KCNMA1: variants seen among roughly 807,000 people sequenced by gnomAD.
KCNMA1 encodes the protein potassium calcium-activated channel subfamily M alpha 1, also known as Calcium-activated potassium channel subunit alpha-1.
In KCNMA1, 29 loss-of-function variants were observed where a neutral mutation model predicts 140.0. The observed-to-expected ratio is 0.21, with a 90% CI of 0.15 to 0.28. The LOEUF (loss-of-function observed/expected upper bound fraction) is 0.28. Among genes scored for constraint, KCNMA1 ranks in the 10% least tolerant of loss-of-function variants. The pLI is 1.00. For missense variants in KCNMA1, 880 were observed against 1,602.2 expected, an observed-to-expected ratio of 0.55 and a Z score of 7.70; for synonymous variants, 612 against 611.9, an observed-to-expected ratio of 1.00 and a Z score of 0.00.
chr10:76,904,679 C>G (rs2047064032), intron 25 of KCNMA1: 3 of 152,138 alleles, frequency 2.0e-5, no homozygotes, highest in Non-Finnish European at 4.4e-5. Context: ...GGTGGCTCCT[C>G]ACTGCTCCTT....
At chr10:77,508,581 C>CTTTTTTTTTTTTTTTTTTTTCT (rs761735012) in intron 1 of KCNMA1, among the ~76,000 whole-genome samples, 1 of 99,874 alleles carries the variant, frequency 1.0e-5, no homozygotes, top group African/African-American at 4.3e-5. Flanking sequence ...TTTTTCTTTT[C>CTTTTTTTTTTTTTTTTTTTTCT]TTTTTTTTTT....
chr10:77,137,036 G>C (rs1017154592), intron 5 of KCNMA1, among the ~76,000 whole-genome samples: 2 of 152,148 alleles, frequency 1.3e-5, no homozygotes, highest in Admixed American at 1.3e-4. Flanking sequence ...GCAATGACCA[G>C]ACAGATTAAG....
chr10:77,460,964 G>T (rs2097855588), intron 1 of KCNMA1, among the ~76,000 whole-genome samples: 1 of 152,106 alleles, frequency 6.6e-6, no homozygotes, highest in Admixed American at 6.6e-5. Flanking sequence ...AAATTAGCTG[G>T]GCGTGGTGGC....
chr10:77,383,498 C>T (rs2095498391), intron 2 of KCNMA1, among the ~76,000 whole-genome samples: 1 of 151,330 alleles, frequency 6.6e-6, no homozygotes. Flanking sequence ...AAGTATACAG[C>T]TCAGTGGTAT....
intron 1 of KCNMA1, among the ~76,000 whole-genome samples, chr10:77,485,817 A>G (rs1218428141): frequency 6.6e-6 from 1 of 152,168 alleles, no homozygotes; most frequent in Non-Finnish European, 1.5e-5. Context: ...GTGTCCCCCA[A>G]GGACCAATGT....
chr10:77,094,551 T>C (rs894620241), intron 9 of KCNMA1, among the ~76,000 whole-genome samples: 3 of 152,190 alleles, frequency 2.0e-5, no homozygotes, highest in African/African-American at 7.2e-5. Flanking sequence ...GGATAGGCAG[T>C]ATCATGATAG....
At chr10:77,111,225 C>T (rs1032853146) in intron 7 of KCNMA1, among the ~76,000 whole-genome samples, 13 of 152,164 alleles carry the variant, frequency 8.5e-5, no homozygotes, top group East Asian at 3.9e-4. Flanking sequence ...GAGGGAGCTG[C>T]GGGCCCAATT....
intron 1 of KCNMA1, among the ~76,000 whole-genome samples, chr10:77,547,043 T>A (rs1479484336): frequency 6.6e-6 from 1 of 152,086 alleles, no homozygotes; most frequent in East Asian, 1.9e-4. Flanking sequence ...AATGTTTCCC[T>A]AAAGAGAGCC....
At chr10:77,044,331 T>C (rs149213861) in intron 14 of KCNMA1, among the ~76,000 whole-genome samples, 23 of 152,124 alleles carry the variant, frequency 1.5e-4, no homozygotes, top group Non-Finnish European at 2.9e-4. Flanking sequence ...TCTCATACAA[T>C]GCATTCTTAG....
At chr10:77,057,777 A>T (rs2095594460) in intron 14 of KCNMA1, among the ~76,000 whole-genome samples, 1 of 151,870 alleles carries the variant, frequency 6.6e-6, no homozygotes, top group Non-Finnish European at 1.5e-5. Flanking sequence ...ACCAAAAAAA[A>T]TTCTGAAAAT....
At chr10:77,570,830 C>A (rs1401404733) in intron 1 of KCNMA1, among the ~76,000 whole-genome samples, 1 of 151,738 alleles carries the variant, frequency 6.6e-6, no homozygotes, top group Non-Finnish European at 1.5e-5. Context: ...ACTCTGGAAG[C>A]TGAGGCAGGA....
intron 1 of KCNMA1, among the ~76,000 whole-genome samples, chr10:77,548,952 A>G (rs2062073173): frequency 6.6e-6 from 1 of 152,220 alleles, no homozygotes; most frequent in African/African-American, 2.4e-5. Flanking sequence ...AGGGATGCAT[A>G]GATGAATACT....
At chr10:77,540,524 G>A (rs2059933169) in intron 1 of KCNMA1, among the ~76,000 whole-genome samples, 2 of 152,152 alleles carry the variant, frequency 1.3e-5, no homozygotes, top group African/African-American at 2.4e-5. Context: ...GGGTAAAAAT[G>A]GTAATATTAA....
chr10:77,610,477 C>T (rs912391563), intron 1 of KCNMA1, among the ~76,000 whole-genome samples: 7 of 152,064 alleles, frequency 4.6e-5, no homozygotes, highest in African/African-American at 1.7e-4. Context: ...GGTGGAGGCT[C>T]TCTCTCTCTC....
intron 2 of KCNMA1, among the ~76,000 whole-genome samples, chr10:77,332,410 C>T (rs967095239): frequency 2.0e-5 from 3 of 152,216 alleles, no homozygotes; most frequent in Non-Finnish European, 4.4e-5. Context: ...AGAGCTGAAG[C>T]AGCCTCCAGC....
chr10:76,894,464 G>A, intron 25 of KCNMA1, among the ~76,000 whole-genome samples: 1 of 152,034 alleles, frequency 6.6e-6, no homozygotes, highest in East Asian at 1.9e-4. Context: ...ACTACAAGAA[G>A]AACAGATTAA....
At chr10:76,989,121 C>G (rs914111462) in intron 19 of KCNMA1, among the ~76,000 whole-genome samples, 1 of 151,108 alleles carries the variant, frequency 6.6e-6, no homozygotes, top group African/African-American at 2.4e-5. Context: ...ACTAATAACC[C>G]CCAAATCACT....
intron 5 of KCNMA1, among the ~76,000 whole-genome samples, chr10:77,154,760 C>T (rs2098463575): frequency 6.6e-6 from 1 of 152,206 alleles, no homozygotes. Context: ...GACATGATCC[C>T]TGCTCACAAG....
At chr10:77,353,307 G>A (rs1341567087) in intron 2 of KCNMA1, among the ~76,000 whole-genome samples, 2 of 152,078 alleles carry the variant, frequency 1.3e-5, no homozygotes, top group African/African-American at 2.4e-5. Context: ...AGAGGAATAG[G>A]AGCCCCATCA....
Sources: gnomAD v4.1 joint callset for allele counts (sites outside exome capture counted in the v4.1 genomes callset) on GRCh38, gnomAD v4.1.1 for gene constraint, MANE v1.5 for transcripts, NCBI Gene and HGNC (gene_info 2026-07-23, HGNC 2026-07-21) for gene names.